Variants in RALGAPA1 observed in about 807,000 individuals in gnomAD.
The protein encoded by RALGAPA1 is Ral GTPase activating protein catalytic subunit alpha 1, also known as ral GTPase-activating protein subunit alpha-1.
A neutral mutation model predicts 269.6 loss-of-function variants in RALGAPA1; 52 were observed. That is an observed-to-expected ratio of 0.19 (90% CI 0.15 to 0.24). The LOEUF is 0.24. RALGAPA1 is among the 10% of genes least tolerant of loss of function. The probability of loss-of-function intolerance (pLI) is 1.00; values close to 1 mark genes in which losing one functional copy is unlikely to be tolerated. For missense variants in RALGAPA1, 1,917 were observed against 3,013.9 expected (o/e 0.64, Z 8.52); for synonymous variants, 817 against 1,008.3 (o/e 0.81, Z 3.60).
chr14:35,625,248 T>C (rs1391071758), intron 35 of RALGAPA1, 113 bp downstream of exon 35: 2 of 645,786 alleles, frequency 3.1e-6, no homozygotes, highest in Non-Finnish European at 4.8e-6. Flanking sequence ...GCTCAGAAAG[T>C]TATAAATCAA....
rs1372976309 is a variant in RALGAPA1 at position 35,689,490 on chromosome 14, C to T, written c.2921G>A (p.Arg974Lys). 25 of 1,236,462 alleles carry T rather than the reference C, an allele frequency of 2.0e-5. No homozygotes were observed. Among genetic ancestry groups the T allele is most frequent in the Non-Finnish European group, 2.5e-5 (25 of 991,146 alleles). 76.6% of individuals were successfully genotyped at this position (1,236,462 alleles called of 1,614,324 possible). A position where few individuals can be genotyped will look rare whatever the true frequency, so the allele number is the denominator to read the frequency against. ...TTTATCTAAGGATAATCTTTCACCCCTATTTACTGCAATAGTCACTTCCTG... is the reference window on the plus strand; with the variant it reads ...TTTATCTAAGGATAATCTTTCACCCTTATTTACTGCAATAGTCACTTCCTG... The part of the protein sequence containing the change: ...ASQEVTIAVN[R>K]GERLSLDKLE... The change falls in exon 18 of 42, where the codon AGG becomes AAG. Residue 974 changes from arginine (R) to lysine (K), a missense_variant. By Grantham distance (26) the Arg-to-Lys change is conservative. This residue lies in a region of RALGAPA1 where 615 missense variants were observed against 790.0 expected (regional missense o/e 0.78). Transcript: ENST00000680220.
intron 1 of RALGAPA1, among the ~76,000 whole-genome samples, chr14:35,792,364 C>T (rs962436142): frequency 1.3e-5 from 2 of 149,224 alleles, no homozygotes; most frequent in Non-Finnish European, 3.0e-5. Context: ...ACCATGTTGG[C>T]CAGGCTGGTC....
chr14:35,607,683 A>C (rs548931444), intron 35 of RALGAPA1, among the ~76,000 whole-genome samples: 1 of 152,212 alleles, frequency 6.6e-6, no homozygotes, highest in Non-Finnish European at 1.5e-5. Context: ...GCCTAAGGTG[A>C]AAAGCAGGTT....
chr14:35,768,644 T>C (rs2074337438), intron 4 of RALGAPA1, among the ~76,000 whole-genome samples: 1 of 151,960 alleles, frequency 6.6e-6, no homozygotes, highest in African/African-American at 2.4e-5. Context: ...TGAACCATGA[T>C]CAATCATGGC....
At chr14:35,763,512 CATTT>C (rs1378754276) in intron 4 of RALGAPA1, among the ~76,000 whole-genome samples, 1 of 151,932 alleles carries the variant, frequency 6.6e-6, no homozygotes, top group African/African-American at 2.4e-5. Flanking sequence ...TCATATAACT[CATTT>C]ATTTTTTTAA....
chr14:35,706,199 A>G (rs906724913), intron 16 of RALGAPA1, among the ~76,000 whole-genome samples: 3 of 152,226 alleles, frequency 2.0e-5, no homozygotes, highest in Non-Finnish European at 2.9e-5. Flanking sequence ...ATTGTATTAT[A>G]AAACTCATTG....
At chr14:35,671,316 T>C in intron 26 of RALGAPA1, 73 bp downstream of exon 26, 1 of 1,357,856 alleles carries the variant, frequency 7.4e-7, no homozygotes, top group South Asian at 1.8e-5. Flanking sequence ...ATCAGCTTGT[T>C]ATGTTTTATC....
At chr14:35,708,307 TA>T (rs779041786) in intron 16 of RALGAPA1, among the ~76,000 whole-genome samples, 71 of 151,878 alleles carry the variant, frequency 4.7e-4, no homozygotes, top group Non-Finnish European at 9.0e-4. Flanking sequence ...ATCAACAAAG[TA>T]AAGAGATGAC....
rs7155504 is a variant in RALGAPA1, at chr14:35,689,622, T to C, written c.2789A>G (p.Tyr930Cys). ...ATCATCATCTCCTTCAAGGTCAATG[T>C]ACTGGATTTGTTCAAAAGCTGAATC... Reference protein sequence around the residue: ...LADSAFEQIQYIDLEGDDDLL... With the variant: ...LADSAFEQIQCIDLEGDDDLL... Residue 930 changes from tyrosine (Y) to cysteine (C), a missense_variant, in exon 18 of 42, where the codon TAC (tyrosine) becomes TGC (cysteine). Transcript: ENST00000680220. The C allele has an allele frequency of 0.079, 100,105 of 1,264,188 alleles. 4,462 individuals carry two copies. Among genetic ancestry groups the C allele is most frequent in the Middle Eastern group, 0.13 (427 of 3,330 alleles). The allele number at this position is 1,264,188 out of a possible 1,614,324, so 78.3% of individuals were successfully genotyped here.
At chr14:35,794,312 T>C (rs983128234) in intron 1 of RALGAPA1, among the ~76,000 whole-genome samples, 1 of 152,012 alleles carries the variant, frequency 6.6e-6, no homozygotes, top group African/African-American at 2.4e-5. Context: ...CCCATCTCTA[T>C]ATAAATTTAT....
intron 31 of RALGAPA1, among the ~76,000 whole-genome samples, chr14:35,640,829 G>A (rs148137400): frequency 2.9e-3 from 442 of 151,984 alleles, no homozygotes; most frequent in Non-Finnish European, 4.3e-3. Context: ...AAAAATCCTC[G>A]ACAAAATACT....
intron 1 of RALGAPA1, among the ~76,000 whole-genome samples, chr14:35,792,558 G>C (rs1384553610): frequency 6.6e-6 from 1 of 151,958 alleles, no homozygotes; most frequent in African/African-American, 2.4e-5. Context: ...CAGGGCGGGT[G>C]GACTGTTTGA....
At chr14:35,772,253 A>C (rs1468068628) in intron 3 of RALGAPA1, among the ~76,000 whole-genome samples, 2 of 152,090 alleles carry the variant, frequency 1.3e-5, no homozygotes, top group African/African-American at 4.8e-5. Context: ...ATGGAGTATT[A>C]CTATGTTGTC....
In RALGAPA1 at chr14:35,706,207, T is replaced by C. The variant is rs187142987; in HGVS notation, c.2267-5905A>G. 1.2e-4 allele frequency among the ~76,000 whole-genome samples: 19 copies of C among 152,364 alleles called. No homozygotes were observed. The East Asian group carries it at 2.1e-3, about 17-fold the overall frequency. On this transcript the variant is annotated intron_variant, in intron 16 of 41. Transcript: ENST00000680220. ...TGTTGGTATTGTATTATAAAACTCA[T>C]TGCCAAACCCAAGGTGTCCTAGACT... is the stretch of plus-strand genomic sequence containing the variant.
chr14:35,783,556 G>A (rs1346933164), intron 1 of RALGAPA1, among the ~76,000 whole-genome samples: 1 of 151,936 alleles, frequency 6.6e-6, no homozygotes, highest in Non-Finnish European at 1.5e-5. Flanking sequence ...AGCAATAAAA[G>A]AAAAAATAAA....
intron 1 of RALGAPA1, among the ~76,000 whole-genome samples, chr14:35,805,833 C>T (rs974501710): frequency 2.6e-5 from 4 of 151,700 alleles, no homozygotes; most frequent in South Asian, 4.2e-4. Context: ...TACAGGTGCA[C>T]GCCACCATGC....
chr14:35,691,158 T>A (rs2066449649), intron 17 of RALGAPA1, among the ~76,000 whole-genome samples: 1 of 151,638 alleles, frequency 6.6e-6, no homozygotes, highest in Non-Finnish European at 1.5e-5. Flanking sequence ...ATGAGAAAAT[T>A]GAAGCCCAGA....
chr14:35,560,140 G>A (rs376832745), intron 39 of RALGAPA1, among the ~76,000 whole-genome samples: 1 of 152,170 alleles, frequency 6.6e-6, no homozygotes, highest in Non-Finnish European at 1.5e-5. Context: ...TAATTGTTTC[G>A]CTAGTCAACG....
In RALGAPA1 at chr14:35,568,251, A is replaced by C. The variant is rs949776380; in HGVS notation, c.7496+2366T>G. On this transcript the variant is annotated intron_variant, in intron 39 of 41. Coordinates refer to ENST00000680220, the MANE Select transcript of RALGAPA1 (RefSeq NM_001346249.2). ...TGAGCTCTGACATGACACTCAAAGG[A>C]AACATTCATTGAAGAATTTCAGATT... is the stretch of plus-strand genomic sequence containing the variant. Among the ~76,000 whole-genome samples, 14 of 152,280 alleles carry C rather than the reference A, an allele frequency of 9.2e-5. No homozygotes were observed. The South Asian group carries it at 2.9e-3, about 32-fold the overall frequency.
Sources: gnomAD v4.1 joint callset for allele counts (sites outside exome capture counted in the v4.1 genomes callset) on GRCh38, gnomAD v4.1.1 for gene constraint, gnomAD v4.1.1 regional missense constraint, MANE v1.5 for transcripts, NCBI Gene and HGNC (gene_info 2026-07-23, HGNC 2026-07-21) for gene names.